Variants in UBE2E2 observed in about 807,000 individuals in gnomAD.
UBE2E2 encodes ubiquitin conjugating enzyme E2 E2.
Under a neutral mutation model 24.7 loss-of-function variants are expected in UBE2E2, and 6 were observed. The ratio of observed to expected loss-of-function variants is 0.24; its 90% confidence interval spans 0.13 to 0.48. The LOEUF is 0.48. Ranked by LOEUF, UBE2E2 falls within the 20% of genes least tolerant of loss-of-function variation. The pLI, the probability that UBE2E2 is intolerant of heterozygous loss-of-function variation, is 0.99. For synonymous variants in UBE2E2, 104 were observed against 83.6 expected (o/e 1.24, Z -1.33); for missense variants, 169 against 245.0 (o/e 0.69, Z 2.07).
chr3:23,253,321 C>G (rs1697629825), intron 3 of UBE2E2, among the ~76,000 whole-genome samples: 1 of 152,154 alleles, frequency 6.6e-6, no homozygotes, highest in African/African-American at 2.4e-5. Context: ...CAGAGAATGA[C>G]AAACCAGTAA....
intron 4 of UBE2E2, among the ~76,000 whole-genome samples, chr3:23,529,895 A>G (rs911650199): frequency 1.3e-5 from 2 of 152,176 alleles, no homozygotes; most frequent in Non-Finnish European, 2.9e-5. Context: ...CTCATTAAAT[A>G]TCTGTCTTCC....
chr3:23,244,725 G>T (rs1157604560), intron 3 of UBE2E2, among the ~76,000 whole-genome samples: 1 of 152,068 alleles, frequency 6.6e-6, no homozygotes, highest in Non-Finnish European at 1.5e-5. Flanking sequence ...TGCTATTTCT[G>T]TTGCATTTTT....
chr3:23,532,019 G>A (rs566647265), intron 4 of UBE2E2, among the ~76,000 whole-genome samples: 4 of 147,246 alleles, frequency 2.7e-5, no homozygotes, highest in South Asian at 2.1e-4. Flanking sequence ...CAAAGATCAC[G>A]CCACTGCACT....
At chr3:23,453,110 C>CTTA (rs1698602009) in intron 3 of UBE2E2, among the ~76,000 whole-genome samples, 1 of 152,120 alleles carries the variant, frequency 6.6e-6, no homozygotes, top group African/African-American at 2.4e-5. Context: ...AATAAGTATT[C>CTTA]TTAAGGCTTA....
chr3:23,273,226 C>A (rs980883996), intron 3 of UBE2E2, among the ~76,000 whole-genome samples: 2 of 152,148 alleles, frequency 1.3e-5, no homozygotes, highest in African/African-American at 4.8e-5. Context: ...TTGATAGTTT[C>A]TTTGAAACTG....
intron 3 of UBE2E2, among the ~76,000 whole-genome samples, chr3:23,286,159 G>T (rs1355147600): frequency 6.6e-6 from 1 of 152,110 alleles, no homozygotes; most frequent in Non-Finnish European, 1.5e-5. Flanking sequence ...CCTTTTTGGT[G>T]TAGAAGCTTT....
chr3:23,550,032 CAA>C (rs35163126), intron 5 of UBE2E2, among the ~76,000 whole-genome samples: 17 of 96,264 alleles, frequency 1.8e-4, no homozygotes, highest in Admixed American at 2.2e-4. Context: ...GACTCCATCT[CAA>C]AAAAAAAAAA....
chr3:23,431,388 G>A (rs1032029944), intron 3 of UBE2E2, among the ~76,000 whole-genome samples: 6 of 152,034 alleles, frequency 3.9e-5, no homozygotes, highest in Non-Finnish European at 7.4e-5. Flanking sequence ...TTTCTGCAGC[G>A]GGAAAGCCAC....
At chr3:23,498,899 A>G (rs1309684208) in intron 3 of UBE2E2, among the ~76,000 whole-genome samples, 1 of 152,210 alleles carries the variant, frequency 6.6e-6, no homozygotes, top group East Asian at 1.9e-4. Context: ...TGAAACTCAG[A>G]GACATGTGTA....
At position 23,208,812 on chromosome 3, in the gene UBE2E2, C is replaced by G; in HGVS notation, c.113C>G (p.Pro38Arg). 6.2e-7 allele frequency: 1 copy of G among 1,613,212 alleles called. No individual in the cohort carries two copies. The highest frequency in any genetic ancestry group is 8.5e-7 in the Non-Finnish European group (1 of 1,179,610). Residue 38 changes from proline (P) to arginine (R), a missense_variant, in exon 2 of 6, where the codon CCC becomes CGC. By Grantham distance (103) the Pro-to-Arg change is moderately radical. Transcript: ENST00000396703. ...GAACCAGAAAGAGAACAAGTTCAGC[C>G]CAAGAAAAAGGAGGGAAAAATATCC... ...QQEPEREQVQ[P>R]KKKEGKISSK...
intron 5 of UBE2E2, among the ~76,000 whole-genome samples, chr3:23,540,725 TAGAG>T (rs1360784617): frequency 7.9e-5 from 12 of 152,032 alleles, no homozygotes; most frequent in South Asian, 2.1e-4. Flanking sequence ...TTTAAAAAAA[TAGAG>T]AGAGAGATGA....
chr3:23,386,144 C>T lies in UBE2E2; in HGVS notation c.228-113464C>T, dbSNP rs543781793. On this transcript the variant is annotated intron_variant, in intron 3 of 5. Coordinates refer to ENST00000396703, the MANE Select transcript of UBE2E2 (RefSeq NM_152653.4). ...GAATGTCTTAGCCTGTTTGGAATGC[C>T]GTAACAAAATACCATAAACTGGGTG... 1.4e-4 allele frequency among the ~76,000 whole-genome samples: 21 copies of T among 151,908 alleles called. No individual in the cohort carries two copies. In the South Asian group the frequency reaches 4.2e-3, roughly 30 times the overall value.
At chr3:23,264,752 G>A (rs1350716898) in intron 3 of UBE2E2, among the ~76,000 whole-genome samples, 2 of 152,132 alleles carry the variant, frequency 1.3e-5, no homozygotes, top group Non-Finnish European at 2.9e-5. Flanking sequence ...GAAATCAAAT[G>A]AGCAGATAAT....
At chr3:23,231,902 C>G (rs183391054) in intron 3 of UBE2E2, among the ~76,000 whole-genome samples, 1 of 152,182 alleles carries the variant, frequency 6.6e-6, no homozygotes, top group South Asian at 2.1e-4. Context: ...AGGAGCTTCT[C>G]TACCCATGGA....
At chr3:23,563,787 C>T (rs188363672) in intron 5 of UBE2E2, among the ~76,000 whole-genome samples, 6 of 152,010 alleles carry the variant, frequency 3.9e-5, no homozygotes, top group African/African-American at 1.4e-4. Context: ...ATCATTTATT[C>T]TATTAATATT....
intron 5 of UBE2E2, among the ~76,000 whole-genome samples, chr3:23,540,269 A>T (rs190856760): frequency 6.6e-6 from 1 of 152,288 alleles, no homozygotes; most frequent in East Asian, 1.9e-4. Flanking sequence ...GACCTAGTAA[A>T]TGTCAGAACA....
At chr3:23,284,482 G>A (rs979439456) in intron 3 of UBE2E2, among the ~76,000 whole-genome samples, 4 of 151,988 alleles carry the variant, frequency 2.6e-5, no homozygotes, top group Non-Finnish European at 4.4e-5. Context: ...AGGCAACTTG[G>A]AAGTGTGTCC....
Position 23,350,611 on chromosome 3 carries a change from T to C in UBE2E2, c.227+133299T>C, listed in dbSNP as rs989883913. Among the ~76,000 whole-genome samples, 275 of 152,322 alleles carry C rather than the reference T, an allele frequency of 1.8e-3. 1 individual carries two copies. Among genetic ancestry groups the C allele is most frequent in the African/African-American group, 6.0e-3 (250 of 41,568 alleles). The stretch of plus-strand genomic sequence containing the variant: ...AATACAGAAGCCTCAGGAGCCGATG[T>C]GATCAACTGGAAGAAAGGGTATCAG... On this transcript the variant is annotated intron_variant, in intron 3 of 5. Transcript: ENST00000396703.
chr3:23,297,785 C>T (rs1450621486), intron 3 of UBE2E2, among the ~76,000 whole-genome samples: 1 of 152,038 alleles, frequency 6.6e-6, no homozygotes, highest in Non-Finnish European at 1.5e-5. Context: ...TTTTTGGTTC[C>T]ATATGAACTT....
Sources: allele counts gnomAD v4.1 joint callset (sites outside exome capture counted in the v4.1 genomes callset), GRCh38; gene constraint gnomAD v4.1.1; transcripts MANE v1.5; gene names NCBI Gene and HGNC (gene_info 2026-07-23, HGNC 2026-07-21).